HSD17B12: variants seen among roughly 807,000 people sequenced by gnomAD.
HSD17B12 encodes very-long-chain 3-oxoacyl-CoA reductase.
A neutral mutation model predicts 39.3 loss-of-function variants in HSD17B12; 32 were observed. The ratio of observed to expected loss-of-function variants is 0.81; its 90% CI spans 0.61 to 1.09. The LOEUF is 1.09. Among genes scored for constraint, HSD17B12 ranks in the 50% least tolerant of loss-of-function variants. HSD17B12 has a pLI of 0.00. For missense variants in HSD17B12, 342 were observed against 382.9 expected, an observed-to-expected ratio of 0.89 and a Z score of 0.89; for synonymous variants, 150 against 146.7, an observed-to-expected ratio of 1.02 and a Z score of -0.16.
intron 3 of HSD17B12, among the ~76,000 whole-genome samples, chr11:43,783,764 C>T (rs1259153405): frequency 2.6e-5 from 4 of 151,910 alleles, no homozygotes; most frequent in African/African-American, 4.8e-5. Flanking sequence ...CCCCAAAGAG[C>T]GTTTGTTTAC....
chr11:43,597,555 GA>G, the HSD17B12 span, among the ~76,000 whole-genome samples: 1 of 152,150 alleles, frequency 6.6e-6, no homozygotes, highest in Non-Finnish European at 1.5e-5. Flanking sequence ...GGAAGAGCAA[GA>G]AAAATGGAAA....
intron 1 of HSD17B12, among the ~76,000 whole-genome samples, chr11:43,690,592 C>G (rs1949853671): frequency 6.6e-6 from 1 of 150,482 alleles, no homozygotes; most frequent in African/African-American, 2.5e-5. Context: ...ATTATCTTCT[C>G]TTTTTACATT....
intron 1 of HSD17B12, among the ~76,000 whole-genome samples, chr11:43,686,998 AATTT>A (rs2134770169): frequency 9.2e-6 from 1 of 108,730 alleles, no homozygotes; most frequent in African/African-American, 2.8e-5. Context: ...AATTGAGGAT[AATTT>A]ATTTCTTTCA....
At chr11:43,826,651 AAATAAT>A in intron 6 of HSD17B12, among the ~76,000 whole-genome samples, 1 of 143,186 alleles carries the variant, frequency 7.0e-6, no homozygotes, top group Non-Finnish European at 1.6e-5. Context: ...AAGGGAAATC[AAATAAT>A]ACTTGGAGAT....
intron 1 of HSD17B12, among the ~76,000 whole-genome samples, chr11:43,709,204 C>T (rs541057088): frequency 1.5e-3 from 229 of 152,328 alleles, no homozygotes; most frequent in Middle Eastern, 0.014. Flanking sequence ...TGGCTCACTG[C>T]AACCTCTGCC....
the HSD17B12 span, among the ~76,000 whole-genome samples, chr11:43,619,273 GTAAAATCCATATATATA>G: frequency 1.0e-5 from 1 of 98,132 alleles, no homozygotes. Flanking sequence ...ATATATATAT[GTAAAATCCATATATATA>G]TATAATCCAT....
At chr11:43,617,588 C>CCAAACTA in the HSD17B12 span, among the ~76,000 whole-genome samples, 2 of 152,092 alleles carry the variant, frequency 1.3e-5, no homozygotes, top group African/African-American at 2.4e-5. Context: ...ACAGTTGTTC[C>CCAAACTA]CTGAGTCACA....
the HSD17B12 span, among the ~76,000 whole-genome samples, chr11:43,640,216 C>A: frequency 4.8e-3 from 728 of 152,050 alleles, 6 homozygotes; most frequent in African/African-American, 0.017. Context: ...GGGAAAGCAG[C>A]ACAATTAATT....
chr11:43,696,405 CAT>C (rs1206652004), intron 1 of HSD17B12, among the ~76,000 whole-genome samples: 5 of 152,118 alleles, frequency 3.3e-5, no homozygotes, highest in African/African-American at 1.2e-4. Context: ...GGCCAAGAAA[CAT>C]ATGAAAAAAG....
At chr11:43,714,844 C>T (rs1350131685) in intron 1 of HSD17B12, among the ~76,000 whole-genome samples, 3 of 152,108 alleles carry the variant, frequency 2.0e-5, no homozygotes, top group African/African-American at 7.2e-5. Flanking sequence ...CTTCACATCC[C>T]TTGTAAGTTG....
chr11:43,750,246 A>G (rs190874273), intron 1 of HSD17B12, among the ~76,000 whole-genome samples: 3 of 152,182 alleles, frequency 2.0e-5, no homozygotes, highest in African/African-American at 7.2e-5. Flanking sequence ...CTACTCCACT[A>G]TCCAGAGATA....
At chr11:43,593,345 T>C in the HSD17B12 span, among the ~76,000 whole-genome samples, 1 of 152,252 alleles carries the variant, frequency 6.6e-6, no homozygotes, top group African/African-American at 2.4e-5. Flanking sequence ...ACAATATTTT[T>C]TGACATGGAA....
chr11:43,651,201 A>G, the HSD17B12 span, among the ~76,000 whole-genome samples: 2 of 152,252 alleles, frequency 1.3e-5, no homozygotes, highest in East Asian at 3.8e-4. Flanking sequence ...TGCCCATGAA[A>G]GAAGAAAGGG....
intron 3 of HSD17B12, among the ~76,000 whole-genome samples, chr11:43,787,169 T>A (rs1371248923): frequency 1.3e-5 from 2 of 152,104 alleles, no homozygotes; most frequent in Non-Finnish European, 2.9e-5. Context: ...CGCAAGCTAC[T>A]GACCTCAGGT....
At chr11:43,605,723 CA>C in the HSD17B12 span, among the ~76,000 whole-genome samples, 2 of 152,024 alleles carry the variant, frequency 1.3e-5, no homozygotes, top group Non-Finnish European at 2.9e-5. Context: ...TGAGATCTAA[CA>C]AAACAGAGTA....
chr11:43,729,225 A>G lies in HSD17B12; in HGVS notation c.161-21686A>G, dbSNP rs943002552. ...AGATGTCCTTGCATCTTAGGGATCAATGACAATTTAAGTAAAATGAGGACT... is the reference window on the plus strand; with the variant it reads ...AGATGTCCTTGCATCTTAGGGATCAGTGACAATTTAAGTAAAATGAGGACT... On this transcript the variant is annotated intron_variant, in intron 1 of 10. Transcript: ENST00000278353. Among the ~76,000 whole-genome samples the G allele has an allele frequency of 2.1e-4, 32 of 152,228 alleles. 1 individual carries two copies. The highest frequency in any genetic ancestry group is 2.1e-4 in the Non-Finnish European group (14 of 68,034).
intron 7 of HSD17B12, chr11:43,838,106 T>G (rs1590341319): frequency 1.8e-6 from 1 of 546,210 alleles, no homozygotes; most frequent in Non-Finnish European, 3.3e-6. Context: ...GGAAATGAGC[T>G]AATCGTGAAG....
At chr11:43,821,453 C>T (rs933104114) in intron 6 of HSD17B12, among the ~76,000 whole-genome samples, 1 of 152,176 alleles carries the variant, frequency 6.6e-6, no homozygotes, top group Non-Finnish European at 1.5e-5. Context: ...TGCAGATGCT[C>T]TGTGACTAAA....
intron 1 of HSD17B12, among the ~76,000 whole-genome samples, chr11:43,691,449 A>G (rs533525415): frequency 6.6e-6 from 1 of 152,294 alleles, no homozygotes; most frequent in South Asian, 2.1e-4. Context: ...CCTCATCTCT[A>G]AGTCTTAGAA....
Sources: allele counts gnomAD v4.1 joint callset (sites outside exome capture counted in the v4.1 genomes callset), GRCh38; gene constraint gnomAD v4.1.1; transcripts MANE v1.5; gene names NCBI Gene and HGNC (gene_info 2026-07-23, HGNC 2026-07-21).